Variants in ATP11C observed in about 807,000 individuals in gnomAD.
ATP11C encodes the protein phospholipid-transporting ATPase IG.
A neutral mutation model predicts 97.4 loss-of-function variants in ATP11C; 36 were observed. The observed-to-expected ratio is 0.37, with a 90% confidence interval of 0.28 to 0.49. The LOEUF is 0.49. Ranked by LOEUF, ATP11C falls within the 20% of genes least tolerant of loss-of-function variation. The pLI is 0.98. For missense variants in ATP11C, 730 were observed against 824.6 expected (o/e 0.89, Z 1.40); for synonymous variants, 275 against 290.9 (o/e 0.95, Z 0.56).
chrX:139,830,882 G>T (rs919709314), intron 1 of ATP11C, among the ~76,000 whole-genome samples: 1 of 110,842 alleles, frequency 9.0e-6, no homozygotes, highest in Non-Finnish European at 1.9e-5. Flanking sequence ...AATGCTCCCA[G>T]AAGTCAGCAT....
rs188713069 is a variant in ATP11C, at chrX:139,852,589, G to A, written c.28-25766C>T. 9.7e-3 allele frequency among the ~76,000 whole-genome samples: 1,029 copies of A among 106,560 alleles called. 10 individuals carry two copies. The highest frequency in any genetic ancestry group is 0.033 in the African/African-American group (980 of 29,684). 92.5% of individuals were successfully genotyped at this position (106,560 alleles called of 115,157 possible). The stretch of plus-strand genomic sequence containing the variant: ...GGAGCCGTAAAGTACTTCCTTGGTG[G>A]TCAAATTCTGGAGGGCTAAATATGT... On this transcript the variant is annotated intron_variant, in intron 1 of 29. Transcript: ENST00000682941.
At position 139,873,169 on chromosome X, in the gene ATP11C, A is replaced by G. The variant is rs1254768783; in HGVS notation, c.28-46346T>C. On this transcript the variant is annotated intron_variant, in intron 1 of 29. Transcript: ENST00000682941. ...TAAATTTTTTTATCTAAAAAATTCA[A>G]TAGAAAGCTACTGGCTGTAGAGATT... 4.4e-5 allele frequency among the ~76,000 whole-genome samples: 5 copies of G among 112,730 alleles called. No homozygotes were observed. The Admixed American group carries it at 4.7e-4, about 11-fold the overall frequency.
intron 1 of ATP11C, among the ~76,000 whole-genome samples, chrX:139,930,079 G>A (rs1410267363): frequency 9.0e-6 from 1 of 111,441 alleles, no homozygotes; most frequent in East Asian, 2.8e-4. Context: ...AGGAAAATGT[G>A]AACAGCTGAA....
intron 1 of ATP11C, among the ~76,000 whole-genome samples, chrX:139,831,108 G>A (rs1306965783): frequency 9.0e-6 from 1 of 111,552 alleles, no homozygotes; most frequent in East Asian, 2.8e-4. Flanking sequence ...CCTTAAAATT[G>A]CACTTTTCAG....
Position 139,741,007 on chromosome X carries a change from A to G in ATP11C, c.3118T>C (p.Trp1040Arg), listed in dbSNP as rs1213368521. ...ATTGCTTACCAAATAATTCCTCCCCAGAAGAATGAGAAAAATACATAGAAG... is the reference window on the plus strand; with the variant it reads ...ATTGCTTACCAAATAATTCCTCCCCGGAAGAATGAGAAAAATACATAGAAG... ...LAFYVFFSFF[W>R]GGIIWPFLKQ... The change falls in exon 27 of 30, where the codon TGG becomes CGG. Residue 1040 changes from tryptophan (W) to arginine (R), a missense_variant. Trp to Arg is a moderately radical substitution (Grantham distance 101). Coordinates refer to ENST00000682941, the MANE Select transcript of ATP11C (RefSeq NM_001353812.2). The G allele has an allele frequency of 8.4e-7, 1 of 1,195,043 alleles. No homozygotes were observed. Among genetic ancestry groups the G allele is most frequent in the South Asian group, 1.8e-5 (1 of 56,488 alleles).
chrX:139,819,629 A>T (rs940261678), intron 2 of ATP11C, among the ~76,000 whole-genome samples: 18 of 112,605 alleles, frequency 1.6e-4, no homozygotes, highest in African/African-American at 5.8e-4. Context: ...TGAAGCTTTC[A>T]TTCTACGCAT....
chrX:139,872,722 A>G (rs1158946890), intron 1 of ATP11C, among the ~76,000 whole-genome samples: 1 of 111,662 alleles, frequency 9.0e-6, no homozygotes, highest in Non-Finnish European at 1.9e-5. Context: ...AAAAAAATTG[A>G]CAGGAGGAAA....
chrX:139,743,501 G>T, intron 26 of ATP11C, 58 bp downstream of exon 26: 1 of 799,192 alleles, frequency 1.3e-6, no homozygotes, highest in South Asian at 2.7e-5. Flanking sequence ...ATTAGGATAA[G>T]ACAAGAAAGT....
At chrX:139,878,937 T>A (rs2084520273) in intron 1 of ATP11C, among the ~76,000 whole-genome samples, 1 of 110,157 alleles carries the variant, frequency 9.1e-6, no homozygotes, top group African/African-American at 3.3e-5. Flanking sequence ...ATATCAAGAC[T>A]CTGTCCTACA....
At chrX:139,840,016 ACAAT>A (rs2083804402) in intron 1 of ATP11C, among the ~76,000 whole-genome samples, 1 of 111,663 alleles carries the variant, frequency 9.0e-6, no homozygotes, top group African/African-American at 3.3e-5. Context: ...TTCTCTGGTG[ACAAT>A]CAAAATGAAG....
intron 1 of ATP11C, among the ~76,000 whole-genome samples, chrX:139,865,940 G>A (rs1018885634): frequency 2.7e-5 from 3 of 111,415 alleles, no homozygotes; most frequent in African/African-American, 9.8e-5. Context: ...TCCAAGTCAG[G>A]AATAAAAACA....
At chrX:139,802,117 G>A (rs1021433676) in intron 7 of ATP11C, 119 bp downstream of exon 7, 18 of 508,962 alleles carry the variant, frequency 3.5e-5, no homozygotes, top group Non-Finnish European at 5.5e-5. Flanking sequence ...GGAAGGAATC[G>A]CCCATAAAAA....
At chrX:139,732,174 T>C (rs1384208034) in intron 28 of ATP11C, among the ~76,000 whole-genome samples, 1 of 110,942 alleles carries the variant, frequency 9.0e-6, no homozygotes, top group Non-Finnish European at 1.9e-5. Flanking sequence ...GTGAACAGAC[T>C]AGCTCTAACA....
At chrX:139,838,189 T>G (rs1223450060) in intron 1 of ATP11C, among the ~76,000 whole-genome samples, 1 of 112,101 alleles carries the variant, frequency 8.9e-6, no homozygotes, top group Non-Finnish European at 1.9e-5. Context: ...GGGGTTCTCC[T>G]AATAGTTGCA....
At chrX:139,730,559 A>G (rs1265655326) in intron 29 of ATP11C, among the ~76,000 whole-genome samples, 3 of 111,404 alleles carry the variant, frequency 2.7e-5, no homozygotes, top group African/African-American at 9.8e-5. Context: ...TCAATCCATT[A>G]ATTTAACTTG....
At chrX:139,774,600 G>A (rs2082314057) in intron 19 of ATP11C, 90 bp downstream of exon 19, 1 of 804,288 alleles carries the variant, frequency 1.2e-6, no homozygotes, top group Non-Finnish European at 1.7e-6. Flanking sequence ...AGAAAATCAT[G>A]CATTACAGAA....
intron 1 of ATP11C, among the ~76,000 whole-genome samples, chrX:139,836,446 C>T (rs962900210): frequency 1.8e-5 from 2 of 110,656 alleles, no homozygotes; most frequent in East Asian, 5.7e-4. Context: ...GCCTGGGAGC[C>T]GGAGGTTGCA....
intron 1 of ATP11C, among the ~76,000 whole-genome samples, chrX:139,919,217 G>A (rs369353779): frequency 1.8e-5 from 2 of 109,145 alleles, no homozygotes; most frequent in African/African-American, 3.3e-5. Flanking sequence ...CACTCCAGCC[G>A]GGGCGACAGA....
intron 16 of ATP11C, 135 bp downstream of exon 16, chrX:139,785,091 C>T (rs1055515725): frequency 2.2e-6 from 1 of 449,222 alleles, no homozygotes; most frequent in African/African-American, 2.4e-5. Flanking sequence ...AAAGCATATG[C>T]AAAAGCTACT....
Sources: gnomAD v4.1 joint callset for allele counts (sites outside exome capture counted in the v4.1 genomes callset) on GRCh38, gnomAD v4.1.1 for gene constraint, MANE v1.5 for transcripts, NCBI Gene and HGNC (gene_info 2026-07-23, HGNC 2026-07-21) for gene names.